The following LMTK2 variants were observed in gnomAD, a reference collection of about 807,000 sequenced individuals.
The protein encoded by LMTK2 is serine/threonine-protein kinase LMTK2.
A neutral mutation model predicts 127.5 loss-of-function variants in LMTK2; 37 were observed. That is an observed-to-expected ratio of 0.29 (90% CI 0.22 to 0.38). The LOEUF (loss-of-function observed/expected upper bound fraction) is 0.38. LMTK2 is among the 10% of genes least tolerant of loss of function. LMTK2 has a pLI of 1.00. For synonymous variants in LMTK2, 819 were observed against 810.1 expected, an observed-to-expected ratio of 1.01 and a Z score of -0.19; for missense variants, 1,694 against 1,920.3, an observed-to-expected ratio of 0.88 and a Z score of 2.20.
chr7:98,204,920 G>C (rs967515009), intron 13 of LMTK2, among the ~76,000 whole-genome samples: 1 of 152,192 alleles, frequency 6.6e-6, no homozygotes, highest in Non-Finnish European at 1.5e-5. Flanking sequence ...ATGCCCTCTG[G>C]TGCTGCCCCT....
intron 1 of LMTK2, among the ~76,000 whole-genome samples, chr7:98,130,379 G>C (rs1796504774): frequency 6.6e-6 from 1 of 152,192 alleles, no homozygotes; most frequent in South Asian, 2.1e-4. Flanking sequence ...CTGTCCCCCA[G>C]CCACTCTGTT....
intron 11 of LMTK2, among the ~76,000 whole-genome samples, chr7:98,197,576 G>A (rs565787520): frequency 6.6e-6 from 1 of 152,324 alleles, no homozygotes; most frequent in East Asian, 1.9e-4. Context: ...CTGAAGGCTG[G>A]GCACAGTAGC....
chr7:98,175,038 AT>A (rs1440136553), intron 7 of LMTK2, among the ~76,000 whole-genome samples: 1 of 152,138 alleles, frequency 6.6e-6, no homozygotes, highest in Non-Finnish European at 1.5e-5. Flanking sequence ...AGGTGCCATT[AT>A]TCATCCCAGT....
intron 13 of LMTK2, 150 bp downstream of exon 13, chr7:98,204,336 C>A: frequency 9.4e-7 from 1 of 1,062,240 alleles, no homozygotes; most frequent in Non-Finnish European, 1.3e-6. Flanking sequence ...AAACTCCCAT[C>A]ATCAGCTGGG....
chr7:98,134,322 G>A (rs1442172801), intron 1 of LMTK2, among the ~76,000 whole-genome samples: 1 of 152,242 alleles, frequency 6.6e-6, no homozygotes, highest in African/African-American at 2.4e-5. Flanking sequence ...AAGCTAACTT[G>A]AAGTGTGAGA....
At chr7:98,154,555 T>C (rs1427540791) in intron 4 of LMTK2, among the ~76,000 whole-genome samples, 2 of 152,192 alleles carry the variant, frequency 1.3e-5, no homozygotes, top group Non-Finnish European at 2.9e-5. Flanking sequence ...ATTGTAACTA[T>C]CTGGTGAATG....
chr7:98,178,343 TC>T (rs1317905968), intron 7 of LMTK2, among the ~76,000 whole-genome samples: 5 of 152,218 alleles, frequency 3.3e-5, no homozygotes, highest in Non-Finnish European at 7.3e-5. Context: ...CGCAAACTAG[TC>T]CTAGCGTGAG....
intron 6 of LMTK2, among the ~76,000 whole-genome samples, chr7:98,163,204 T>C (rs563235255): frequency 1.3e-5 from 2 of 152,180 alleles, no homozygotes; most frequent in African/African-American, 4.8e-5. Context: ...AGGGGGCTGG[T>C]GGTAATGGTT....
intron 9 of LMTK2, 32 bp from the exon 10 acceptor site, chr7:98,190,696 A>AG (rs1797510210): frequency 6.2e-7 from 1 of 1,612,126 alleles, no homozygotes; most frequent in East Asian, 2.2e-5. Context: ...ATCTAAAGGG[A>AG]GAGAGAAACA....
At chr7:98,140,305 CCTGA>C (rs1471399638) in intron 2 of LMTK2, among the ~76,000 whole-genome samples, 2 of 151,520 alleles carry the variant, frequency 1.3e-5, no homozygotes, top group Non-Finnish European at 2.9e-5. Context: ...CGCCACCATG[CCTGA>C]CTAATTTTTT....
intron 1 of LMTK2, among the ~76,000 whole-genome samples, chr7:98,124,479 T>C (rs894804897): frequency 6.6e-6 from 1 of 151,998 alleles, no homozygotes; most frequent in East Asian, 1.9e-4. Flanking sequence ...TGAGACTCCA[T>C]CTCTGCAATA....
chr7:98,183,416 A>T (rs1797383239), intron 7 of LMTK2, among the ~76,000 whole-genome samples: 1 of 151,698 alleles, frequency 6.6e-6, no homozygotes, highest in Non-Finnish European at 1.5e-5. Context: ...TTTATTTTTT[A>T]TTTTTTGAGT....
chr7:98,193,899 GT>G lies in LMTK2; in HGVS notation c.3435del (p.Pro1146LeufsTer31). ...PLPEPVLPEQ[S>X]PAAQDSCLEA... is the part of the protein sequence containing the mutation. ...CCCGAGCCAGTCCTCCCCGAGCAAA[GT>G]CCTGCTGCCCAGGATAGCTGCCTGG... is the stretch of plus-strand genomic sequence containing the variant. On this transcript the variant is annotated frameshift_variant, in exon 11 of 14. Coordinates refer to ENST00000297293, the MANE Select transcript of LMTK2 (RefSeq NM_014916.4). LOFTEE classifies it high-confidence loss of function. The surrounding 1 kb of genome is among the most constrained non-coding windows in gnomAD (Gnocchi z 4.1). 6.2e-7 allele frequency: 1 copy of G among 1,614,112 alleles called. No individual in the cohort carries two copies. Among genetic ancestry groups the G allele is most frequent in the Non-Finnish European group, 8.5e-7 (1 of 1,180,032 alleles).
At chr7:98,200,103 C>T (rs923133573) in intron 11 of LMTK2, among the ~76,000 whole-genome samples, 1 of 151,306 alleles carries the variant, frequency 6.6e-6, no homozygotes, top group African/African-American at 2.4e-5. Context: ...ACACTGTTCT[C>T]TTTGCGTAGT....
chr7:98,151,427 A>G lies in LMTK2; in HGVS notation c.422A>G (p.Gln141Arg). The change falls in exon 4 of 14, where the codon CAG becomes CGG. Residue 141 changes from glutamine to arginine, a missense_variant. By Grantham distance (43) the Gln-to-Arg change is conservative. Around this residue, in one of 8 missense-constraint regions of LMTK2, gnomAD observed 203 missense variants for 226.2 expected, o/e 0.90. Transcript: ENST00000297293. ...QVARHSLNYIQEIGNGWFGKV... is the reference protein window; with the variant it reads ...QVARHSLNYIREIGNGWFGKV... ...GCCCGCCACAGTCTAAACTACATACAGGAAATTGGAAATGGCTGGTTTGGA... is the reference window on the plus strand; with the variant it reads ...GCCCGCCACAGTCTAAACTACATACGGGAAATTGGAAATGGCTGGTTTGGA... 1 of 1,613,968 alleles carries G rather than the reference A, an allele frequency of 6.2e-7. No homozygotes were observed. The highest frequency in any genetic ancestry group is 1.3e-5 in the African/African-American group (1 of 75,060).
At position 98,141,480 on chromosome 7, in the gene LMTK2, C is replaced by G. The variant is rs764998072; in HGVS notation, c.315C>G (p.Val105=). Residue 105 remains valine (V), a synonymous_variant, in exon 3 of 14, where the codon GTC becomes GTG. Coordinates refer to ENST00000297293, the MANE Select transcript of LMTK2 (RefSeq NM_014916.4). ...CCTCTGTTCAGTCCCCAGCAGAGGT[C>G]TTCACACTTTCAGTACCAAATATTT... ...DTPSVQSPAE[V]FTLSVPNISL... is the part of the protein sequence containing the mutation. The G allele has an allele frequency of 4.3e-6, 7 of 1,613,846 alleles. No individual in the cohort carries two copies. In the East Asian group the frequency reaches 1.6e-4, roughly 36 times the overall value.
Position 98,191,990 on chromosome 7 carries a change from G to GT in LMTK2, c.1530dup (p.Glu511Ter). On this transcript the variant is annotated frameshift_variant, in exon 11 of 14. Coordinates refer to ENST00000297293, the MANE Select transcript of LMTK2 (RefSeq NM_014916.4). LOFTEE classifies it high-confidence loss of function. ...CACGAGCATCTTCTATCCGGTTGAA[G>GT]TTTTTGAGAGTTCGCTTTCAGATCC... 6.2e-7 allele frequency: 1 copy of GT among 1,612,646 alleles called. No homozygotes were observed.
At chr7:98,121,159 G>T (rs1391819785) in intron 1 of LMTK2, among the ~76,000 whole-genome samples, 2 of 152,272 alleles carry the variant, frequency 1.3e-5, no homozygotes, top group South Asian at 2.1e-4. Context: ...CTGGTGAACC[G>T]CATTGTGCTT....
chr7:98,126,583 A>G (rs897658899), intron 1 of LMTK2: 2 of 152,230 alleles, frequency 1.3e-5, no homozygotes, highest in African/African-American at 4.8e-5. Flanking sequence ...GGCAGAAGTC[A>G]TTCAAGCCCG....
Sources: gnomAD v4.1 joint callset for allele counts (sites outside exome capture counted in the v4.1 genomes callset) on GRCh38, gnomAD v4.1.1 for gene constraint, gnomAD v4.1.1 regional missense constraint, Gnocchi (gnomAD v3.1) non-coding constraint, MANE v1.5 for transcripts, NCBI Gene and HGNC (gene_info 2026-07-23, HGNC 2026-07-21) for gene names.